The following EPS15 variants were observed in gnomAD, a reference collection of about 807,000 sequenced individuals.
The protein encoded by EPS15 is epidermal growth factor receptor substrate 15.
A neutral mutation model predicts 113.8 loss-of-function variants in EPS15; 72 were observed. The observed-to-expected ratio is 0.63, with a 90% CI of 0.52 to 0.77. The LOEUF is 0.77. Ranked by LOEUF, EPS15 falls within the 30% of genes least tolerant of loss-of-function variation. The pLI is 0.00. For missense variants in EPS15, 1,048 were observed against 1,045.8 expected, an observed-to-expected ratio of 1.00 and a Z score of -0.03; for synonymous variants, 344 against 363.4, an observed-to-expected ratio of 0.95 and a Z score of 0.61.
chr1:51,372,552 G>A, intron 21 of EPS15: 1 of 527,896 alleles, frequency 1.9e-6, no homozygotes, highest in South Asian at 1.4e-5. Context: ...TACCACACAG[G>A]CCCTAAACTA....
chr1:51,396,828 T>C (rs895935350), intron 20 of EPS15, among the ~76,000 whole-genome samples: 3 of 152,122 alleles, frequency 2.0e-5, no homozygotes, highest in Non-Finnish European at 4.4e-5. Context: ...ATCTTAGATT[T>C]TGGCTTGAGT....
intron 12 of EPS15, among the ~76,000 whole-genome samples, chr1:51,430,926 T>G (rs977609371): frequency 6.6e-5 from 10 of 151,298 alleles, no homozygotes; most frequent in Non-Finnish European, 8.8e-5. Flanking sequence ...GCCACTGCTC[T>G]CCAGCCTGGG....
At position 51,448,116 on chromosome 1, in the gene EPS15, C is replaced by T; in HGVS notation, c.581G>A (p.Cys194Tyr). ...EFAVAMFLVY[C>Y]ALEKEPVPMS... ...TGGCACAGGTTCTTTCTCCAGTGCA[C>T]AGTATACCAAAAACATGGCCTTCAA... Residue 194 changes from cysteine to tyrosine, a missense_variant, in exon 9 of 25, where the codon TGT becomes TAT. Transcript: ENST00000371733. 3 of 1,612,500 alleles carry T rather than the reference C, an allele frequency of 1.9e-6. No homozygotes were observed. The highest frequency in any genetic ancestry group is 2.5e-6 in the Non-Finnish European group (3 of 1,178,866).
chr1:51,396,638 T>C (rs1647973131), intron 20 of EPS15, among the ~76,000 whole-genome samples: 1 of 152,128 alleles, frequency 6.6e-6, no homozygotes, highest in Admixed American at 6.5e-5. Flanking sequence ...TCAGGTTTAG[T>C]TTCTAGTCCT....
chr1:51,479,674 A>T (rs1557509937), intron 2 of EPS15, among the ~76,000 whole-genome samples: 1 of 152,254 alleles, frequency 6.6e-6, no homozygotes, highest in Admixed American at 6.5e-5. Context: ...TAGTTATTAC[A>T]TGGGTTCAAT....
intron 13 of EPS15, among the ~76,000 whole-genome samples, chr1:51,412,316 G>A (rs1441218826): frequency 6.6e-6 from 1 of 152,134 alleles, no homozygotes; most frequent in Non-Finnish European, 1.5e-5. Context: ...CATGGCACAT[G>A]TATACCTATG....
intron 2 of EPS15, among the ~76,000 whole-genome samples, chr1:51,476,710 TG>T (rs749969415): frequency 1.6e-4 from 25 of 152,172 alleles, no homozygotes; most frequent in South Asian, 8.3e-4. Flanking sequence ...AGTTCTGCTC[TG>T]ATCTTAGTTA....
chr1:51,501,076 A>G (rs1194549654), intron 1 of EPS15, among the ~76,000 whole-genome samples: 1 of 152,060 alleles, frequency 6.6e-6, no homozygotes, highest in Admixed American at 6.5e-5. Context: ...AACGTACTAT[A>G]AATAGTCTTT....
intron 1 of EPS15, among the ~76,000 whole-genome samples, chr1:51,511,403 C>G (rs1570458622): frequency 6.7e-6 from 1 of 149,720 alleles, no homozygotes; most frequent in African/African-American, 2.5e-5. Flanking sequence ...GGCTGAGGCA[C>G]GAGAATTGCT....
chr1:51,483,267 C>T (rs900460564), intron 1 of EPS15, among the ~76,000 whole-genome samples: 2 of 152,134 alleles, frequency 1.3e-5, no homozygotes, highest in African/African-American at 4.8e-5. Flanking sequence ...AATTTTATTA[C>T]AGCATATTGT....
rs554939362 is a variant in EPS15 at position 51,515,491 on chromosome 1, A to C, written c.33+3708T>G. Among the ~76,000 whole-genome samples the C allele has an allele frequency of 1.7e-3, 259 of 152,278 alleles. 1 individual carries two copies. Among genetic ancestry groups the C allele is most frequent in the Admixed American group, 3.8e-3 (58 of 15,290 alleles). On this transcript the variant is annotated intron_variant, in intron 1 of 24. Coordinates refer to ENST00000371733, the MANE Select transcript of EPS15 (RefSeq NM_001981.3). ...TGTCTCAAAACAAAACAAAAAAAAA[A>C]AAAAATTCTTGCTAAACTAAAGCAA...
chr1:51,486,374 G>A (rs1644122090), intron 1 of EPS15, among the ~76,000 whole-genome samples: 1 of 148,258 alleles, frequency 6.7e-6, no homozygotes, highest in South Asian at 2.1e-4. Flanking sequence ...GCAGTGAGCT[G>A]AGACTGTGCC....
chr1:51,379,372 G>A (rs773944909), intron 21 of EPS15, among the ~76,000 whole-genome samples: 5 of 151,876 alleles, frequency 3.3e-5, no homozygotes, highest in East Asian at 1.9e-4. Flanking sequence ...CTCCCACCTC[G>A]GCCTCCCACA....
At position 51,479,438 on chromosome 1, in the gene EPS15, G is replaced by T. The variant is rs538784784; in HGVS notation, c.75+1835C>A. On this transcript the variant is annotated intron_variant, in intron 2 of 24. Transcript: ENST00000371733. ...TCAGAGAAGTTTGTTATTACTGATC[G>T]TCTGAAGCCTAGTTCTGTCAGCTTG... Among the ~76,000 whole-genome samples the T allele has an allele frequency of 2.6e-5, 4 of 152,196 alleles. No individual in the cohort carries two copies. The South Asian group carries it at 8.3e-4, about 32-fold the overall frequency.
chr1:51,369,956 T>C (rs2148358480), intron 21 of EPS15, among the ~76,000 whole-genome samples: 1 of 152,280 alleles, frequency 6.6e-6, no homozygotes, highest in South Asian at 2.1e-4. Context: ...TCCAAACAAA[T>C]ATAACATTTC....
intron 21 of EPS15, among the ~76,000 whole-genome samples, chr1:51,388,514 T>C (rs2148396190): frequency 6.6e-6 from 1 of 152,260 alleles, no homozygotes; most frequent in Non-Finnish European, 1.5e-5. Flanking sequence ...CTTCAAAATA[T>C]TAATGAATCC....
intron 1 of EPS15, among the ~76,000 whole-genome samples, chr1:51,491,742 C>A (rs1301571308): frequency 6.6e-6 from 1 of 151,976 alleles, no homozygotes; most frequent in Non-Finnish European, 1.5e-5. Flanking sequence ...GGGCAGTCCT[C>A]ACCTTTAGAA....
intron 1 of EPS15, among the ~76,000 whole-genome samples, chr1:51,510,726 ATTT>A (rs1266577219): frequency 1.3e-5 from 2 of 152,236 alleles, no homozygotes; most frequent in Admixed American, 6.5e-5. Context: ...TTGCCTTCTC[ATTT>A]AAGTTTTTTA....
At chr1:51,415,950 C>T (rs541065589) in intron 13 of EPS15, among the ~76,000 whole-genome samples, 112 of 151,772 alleles carry the variant, frequency 7.4e-4, no homozygotes, top group African/African-American at 2.6e-3. Context: ...ACAAATTTCA[C>T]TGGAAAATTA....
Sources: gnomAD v4.1 joint callset for allele counts (sites outside exome capture counted in the v4.1 genomes callset) on GRCh38, gnomAD v4.1.1 for gene constraint, MANE v1.5 for transcripts, NCBI Gene and HGNC (gene_info 2026-07-23, HGNC 2026-07-21) for gene names.